Variants in ANKS1B observed in about 807,000 individuals in gnomAD.
ANKS1B encodes ankyrin repeat and sterile alpha motif domain containing 1B.
ANKS1B carries 36 observed loss-of-function variants against 148.3 expected under a neutral mutation model. The observed-to-expected ratio is 0.24, with a 90% confidence interval of 0.19 to 0.32. The LOEUF (loss-of-function observed/expected upper bound fraction) is 0.32, where lower values mean the gene tolerates loss of function less well. Ranked by LOEUF, ANKS1B falls within the 10% of genes least tolerant of loss-of-function variation. The probability of loss-of-function intolerance (pLI) is 1.00; values close to 1 mark genes in which losing one functional copy is unlikely to be tolerated. For missense variants in ANKS1B, 1,157 were observed against 1,542.6 expected (o/e 0.75, Z 4.19); for synonymous variants, 542 against 560.8 (o/e 0.97, Z 0.47).
intron 1 of ANKS1B, among the ~76,000 whole-genome samples, chr12:99,828,695 T>A (rs955294951): frequency 2.6e-5 from 4 of 151,876 alleles, no homozygotes; most frequent in African/African-American, 9.7e-5. Context: ...AGAGATAAAA[T>A]CAGTAGAAGA....
Position 98,751,299 on chromosome 12 carries a change from A to C in ANKS1B, c.3747+56T>G. 3 of 1,568,736 alleles carry C rather than the reference A, an allele frequency of 1.9e-6. No individual in the cohort carries two copies. Among genetic ancestry groups the C allele is most frequent in the Non-Finnish European group, 2.6e-6 (3 of 1,152,892 alleles). ...CACACCACACAAGGGCCTGGTTAGCAGCCCCTTTTCCTCCTGTTCAAGGTT... is the reference window on the plus strand; with the variant it reads ...CACACCACACAAGGGCCTGGTTAGCCGCCCCTTTTCCTCCTGTTCAAGGTT... On this transcript the variant is annotated intron_variant, in intron 26 of 26. Coordinates refer to ENST00000683438, the MANE Select transcript of ANKS1B (RefSeq NM_001352186.2). The surrounding 1 kb of genome is among the most constrained non-coding windows in gnomAD (Gnocchi z 4.3).
At chr12:99,294,255 C>T (rs1211888295) in intron 12 of ANKS1B, among the ~76,000 whole-genome samples, 3 of 152,078 alleles carry the variant, frequency 2.0e-5, no homozygotes, top group African/African-American at 7.2e-5. Context: ...TTTACAATGG[C>T]CAAAATTTGG....
intron 25 of ANKS1B, among the ~76,000 whole-genome samples, chr12:98,770,701 G>C (rs934972733): frequency 1.3e-5 from 2 of 152,010 alleles, no homozygotes; most frequent in Admixed American, 1.3e-4. Flanking sequence ...CATGTAGCAT[G>C]ATACAAATGC....
chr12:99,712,850 T>A (rs1213574940), intron 8 of ANKS1B, among the ~76,000 whole-genome samples: 1 of 152,184 alleles, frequency 6.6e-6, no homozygotes, highest in Non-Finnish European at 1.5e-5. Context: ...TAATCCTCTG[T>A]GGCTGGAGGG....
At chr12:99,399,425 TA>T (rs1391024247) in intron 12 of ANKS1B, among the ~76,000 whole-genome samples, 24 of 152,232 alleles carry the variant, frequency 1.6e-4, no homozygotes, top group Non-Finnish European at 1.3e-4. Context: ...TCATCATCTT[TA>T]ATATCTAACA....
chr12:99,285,691 C>A (rs1272257106), intron 12 of ANKS1B, among the ~76,000 whole-genome samples: 3 of 152,094 alleles, frequency 2.0e-5, no homozygotes, highest in Admixed American at 2.0e-4. Context: ...GATGTTGGCG[C>A]CACCCCTCCC....
chr12:99,501,713 T>C (rs1274517751), intron 10 of ANKS1B, among the ~76,000 whole-genome samples: 1 of 151,988 alleles, frequency 6.6e-6, no homozygotes, highest in Non-Finnish European at 1.5e-5. Context: ...TTGTTTTCAG[T>C]ATCCAAAGCC....
chr12:98,851,904 G>A (rs1268681805), intron 17 of ANKS1B, among the ~76,000 whole-genome samples: 1 of 151,516 alleles, frequency 6.6e-6, no homozygotes, highest in African/African-American at 2.4e-5. Flanking sequence ...CACGCCTGTA[G>A]TCCCACCTAC....
In ANKS1B at chr12:99,374,267, A is replaced by C. The variant is rs571460144; in HGVS notation, c.1756+25364T>G. On this transcript the variant is annotated intron_variant, in intron 12 of 26. Coordinates refer to ENST00000683438, the MANE Select transcript of ANKS1B (RefSeq NM_001352186.2). ...TTCATTATAATGTTGGTGAGGAAAAAAAAATCTATTCCCAGTTAGAGCCAC... is the reference window on the plus strand; with the variant it reads ...TTCATTATAATGTTGGTGAGGAAAACAAAATCTATTCCCAGTTAGAGCCAC... 4.6e-5 allele frequency among the ~76,000 whole-genome samples: 7 copies of C among 152,278 alleles called. No individual in the cohort carries two copies. The South Asian group carries it at 1.2e-3, about 27-fold the overall frequency.
chr12:99,827,095 G>A (rs1463527487), intron 1 of ANKS1B, among the ~76,000 whole-genome samples: 1 of 151,544 alleles, frequency 6.6e-6, no homozygotes, highest in African/African-American at 2.4e-5. Flanking sequence ...CTCCAGCCTG[G>A]GCAACAGAGC....
chr12:99,640,958 T>G (rs111353547), intron 9 of ANKS1B, among the ~76,000 whole-genome samples: 1 of 152,330 alleles, frequency 6.6e-6, no homozygotes, highest in South Asian at 2.1e-4. Context: ...ATTCAAACAA[T>G]GTTTAAGTAT....
In ANKS1B at chr12:99,002,815, G is replaced by C. The variant is rs370149225; in HGVS notation, c.2778+50342C>G. Among the ~76,000 whole-genome samples, 4 of 151,756 alleles carry C rather than the reference G, an allele frequency of 2.6e-5. 1 individual carries two copies. The highest frequency in any genetic ancestry group is 9.7e-5 in the African/African-American group (4 of 41,364). ...TTTTTTTCATTCTGTTGTTTCCTTT[G>C]CTCACAGAAGCGTTTTAGTCTGATG... is the stretch of plus-strand genomic sequence containing the variant. On this transcript the variant is annotated intron_variant, in intron 17 of 26. Transcript: ENST00000683438.
intron 24 of ANKS1B, among the ~76,000 whole-genome samples, chr12:98,774,930 A>C (rs941479662): frequency 5.9e-5 from 9 of 152,244 alleles, no homozygotes; most frequent in African/African-American, 2.2e-4. Context: ...TTGCAAGATA[A>C]GTTTCAGACT....
chr12:99,204,839 T>C (rs570916172), intron 14 of ANKS1B, among the ~76,000 whole-genome samples: 1 of 152,356 alleles, frequency 6.6e-6, no homozygotes, highest in Non-Finnish European at 1.5e-5. Context: ...TATTTTTCTT[T>C]GGATACAAGC....
chr12:99,503,246 C>A (rs2096673092), intron 10 of ANKS1B, among the ~76,000 whole-genome samples: 1 of 152,228 alleles, frequency 6.6e-6, no homozygotes, highest in African/African-American at 2.4e-5. Context: ...AGAATATAGG[C>A]ATGAGCCATC....
intron 17 of ANKS1B, among the ~76,000 whole-genome samples, chr12:98,878,317 T>A (rs747749780): frequency 6.6e-6 from 1 of 151,414 alleles, no homozygotes; most frequent in East Asian, 1.9e-4. Context: ...GAGGTTGCAA[T>A]GAGCTGAGAT....
intron 17 of ANKS1B, among the ~76,000 whole-genome samples, chr12:98,995,868 A>G (rs2099929227): frequency 6.6e-6 from 1 of 152,186 alleles, no homozygotes; most frequent in Non-Finnish European, 1.5e-5. Context: ...ATGCAATCAG[A>G]GTACAGGGAA....
At chr12:99,272,979 T>C (rs956171066) in intron 12 of ANKS1B, among the ~76,000 whole-genome samples, 5 of 152,168 alleles carry the variant, frequency 3.3e-5, no homozygotes, top group African/African-American at 1.2e-4. Flanking sequence ...CTCCCATATA[T>C]CCAACATGCA....
chr12:98,897,994 G>A (rs1282331195), intron 17 of ANKS1B, among the ~76,000 whole-genome samples: 2 of 152,094 alleles, frequency 1.3e-5, no homozygotes, highest in Non-Finnish European at 2.9e-5. Context: ...TTACAAGTGG[G>A]AACTAAACAA....
Sources: allele counts gnomAD v4.1 joint callset (sites outside exome capture counted in the v4.1 genomes callset), GRCh38; gene constraint gnomAD v4.1.1; non-coding constraint Gnocchi (gnomAD v3.1); transcripts MANE v1.5; gene names NCBI Gene and HGNC (gene_info 2026-07-23, HGNC 2026-07-21).